PDCL2: variants seen among roughly 807,000 people sequenced by gnomAD.
PDCL2 encodes phosducin like 2.
In PDCL2, 23 loss-of-function variants were observed where a neutral mutation model predicts 30.3. The ratio of observed to expected loss-of-function variants is 0.76; its 90% confidence interval spans 0.55 to 1.08. PDCL2 has a LOEUF of 1.08. Ranked by LOEUF, PDCL2 falls within the 50% of genes least tolerant of loss-of-function variation. PDCL2 has a pLI of 0.00. For missense variants in PDCL2, 243 were observed against 282.3 expected (o/e 0.86, Z 1.00); for synonymous variants, 68 against 86.2 (o/e 0.79, Z 1.17).
rs528246170 is a variant in PDCL2, at chr4:55,579,951, G to A, written c.218+870C>T. Among the ~76,000 whole-genome samples the A allele has an allele frequency of 2.0e-5, 3 of 151,976 alleles. No individual in the cohort carries two copies. The East Asian group carries it at 5.8e-4, about 30-fold the overall frequency. ...AACCTCTGCCCCACCGGGTTCAAGCGATTCTCCTGCCTCAGCCTCCAGAGT... is the reference window on the plus strand; with the variant it reads ...AACCTCTGCCCCACCGGGTTCAAGCAATTCTCCTGCCTCAGCCTCCAGAGT... On this transcript the variant is annotated intron_variant, in intron 3 of 5. Transcript: ENST00000295645.
At chr4:55,570,228 T>A (rs1337145401) in intron 3 of PDCL2, among the ~76,000 whole-genome samples, 1 of 152,208 alleles carries the variant, frequency 6.6e-6, no homozygotes, top group African/African-American at 2.4e-5. Context: ...GTGCTTGCTA[T>A]GTTACCAGGC....
intron 4 of PDCL2, among the ~76,000 whole-genome samples, chr4:55,567,663 A>G (rs1732304394): frequency 6.6e-6 from 1 of 152,234 alleles, no homozygotes; most frequent in South Asian, 2.1e-4. Context: ...TGTAACTTTT[A>G]TAGCTTAACA....
chr4:55,571,221 C>T (rs1732415112), intron 3 of PDCL2, among the ~76,000 whole-genome samples: 1 of 152,082 alleles, frequency 6.6e-6, no homozygotes. Flanking sequence ...TATGCCCATG[C>T]TTTCCCCTTG....
chr4:55,592,017 G>A (rs1733015692), intron 1 of PDCL2, 87 bp downstream of exon 1: 4 of 1,536,926 alleles, frequency 2.6e-6, no homozygotes, highest in African/African-American at 1.4e-5. Flanking sequence ...TCCTGTGTCC[G>A]CCCTCCCCAT....
chr4:55,588,091 AAATAAATCTCAGG>A (rs1394214818), intron 1 of PDCL2, among the ~76,000 whole-genome samples: 1 of 152,188 alleles, frequency 6.6e-6, no homozygotes, highest in Non-Finnish European at 1.5e-5. Flanking sequence ...TGTGAAAGAA[AAATAAATCTCAGG>A]ACCCCCAAAT....
chr4:55,566,782 T>A (rs931012697), intron 4 of PDCL2, among the ~76,000 whole-genome samples: 1 of 130,052 alleles, frequency 7.7e-6, no homozygotes, highest in Non-Finnish European at 1.6e-5. Flanking sequence ...TACTTTAGAG[T>A]GGCCCAGAAA....
intron 3 of PDCL2, among the ~76,000 whole-genome samples, chr4:55,576,673 G>A (rs1250004771): frequency 3.3e-5 from 5 of 152,046 alleles, no homozygotes; most frequent in South Asian, 2.1e-4. Flanking sequence ...AAATAAAAAT[G>A]GTACACTAGA....
chr4:55,581,508 A>G (rs561148523), intron 2 of PDCL2, among the ~76,000 whole-genome samples: 5 of 152,322 alleles, frequency 3.3e-5, no homozygotes, highest in South Asian at 2.1e-4. Context: ...TAAATAATAC[A>G]TACTATAAAG....
At position 55,561,679 on chromosome 4, in the gene PDCL2, T is replaced by G. The variant is rs1490007822; in HGVS notation, c.571+725A>C. Among the ~76,000 whole-genome samples, 5 of 152,034 alleles carry G rather than the reference T, an allele frequency of 3.3e-5. No homozygotes were observed. The East Asian group carries it at 9.6e-4, about 29-fold the overall frequency. ...GTTTTGTAAAATCGAGTTAAAGCAG[T>G]GCCAAAAAATGAATATATCAAAGAG... On this transcript the variant is annotated intron_variant, in intron 5 of 5. Coordinates refer to ENST00000295645, the MANE Select transcript of PDCL2 (RefSeq NM_152401.3).
chr4:55,590,805 A>G (rs372665316), intron 1 of PDCL2, among the ~76,000 whole-genome samples: 37 of 152,246 alleles, frequency 2.4e-4, no homozygotes, highest in Admixed American at 5.9e-4. Context: ...ATGAAATTTT[A>G]TCTAACAGAA....
intron 4 of PDCL2, 33 bp from the exon 5 acceptor site, chr4:55,562,645 T>C (rs1209654723): frequency 1.4e-6 from 2 of 1,427,484 alleles, no homozygotes; most frequent in South Asian, 2.7e-5. Flanking sequence ...CAATCTTTAA[T>C]AAATGGGCTA....
At chr4:55,571,239 T>C (rs1273599873) in intron 3 of PDCL2, among the ~76,000 whole-genome samples, 1 of 152,108 alleles carries the variant, frequency 6.6e-6, no homozygotes, top group Admixed American at 6.6e-5. Context: ...TTGCTCCTTC[T>C]GACTTCTGAT....
Position 55,556,983 on chromosome 4 carries a change from G to T in PDCL2, c.572-272C>A, listed in dbSNP as rs888074234. ...TGAGTAGCTGCAATTACAGGTGCAC[G>T]CCACCACACCCAGCTAAGTTTTGTT... On this transcript the variant is annotated intron_variant, in intron 5 of 5. Coordinates refer to ENST00000295645, the MANE Select transcript of PDCL2 (RefSeq NM_152401.3). Among the ~76,000 whole-genome samples the T allele has an allele frequency of 5.9e-5, 9 of 151,992 alleles. No individual in the cohort carries two copies. The East Asian group carries it at 1.7e-3, about 29-fold the overall frequency.
intron 5 of PDCL2, 130 bp downstream of exon 5, chr4:55,562,274 C>G: frequency 2.1e-6 from 1 of 485,370 alleles, no homozygotes; most frequent in Non-Finnish European, 3.5e-6. Context: ...GAAAATTAAT[C>G]TGGAGGCATA....
At chr4:55,559,019 A>C (rs980955240) in intron 5 of PDCL2, among the ~76,000 whole-genome samples, 1 of 152,164 alleles carries the variant, frequency 6.6e-6, no homozygotes, top group African/African-American at 2.4e-5. Context: ...AATGCATATG[A>C]AAAAATCCAT....
intron 3 of PDCL2, among the ~76,000 whole-genome samples, chr4:55,575,766 A>AT (rs1423669809): frequency 6.6e-6 from 1 of 152,248 alleles, no homozygotes; most frequent in Non-Finnish European, 1.5e-5. Context: ...CAGTGAGTTG[A>AT]TATTTTTTAA....
At chr4:55,586,774 C>A (rs1213922599) in intron 1 of PDCL2, among the ~76,000 whole-genome samples, 5 of 152,176 alleles carry the variant, frequency 3.3e-5, no homozygotes, top group Non-Finnish European at 7.3e-5. Context: ...TGCAATTTTA[C>A]ATTCCCACCA....
In PDCL2 at chr4:55,582,841, G is replaced by A. The variant is rs188906437; in HGVS notation, c.7-604C>T. Among the ~76,000 whole-genome samples, 499 of 149,664 alleles carry A rather than the reference G, an allele frequency of 3.3e-3. 2 individuals carry two copies. Among genetic ancestry groups the A allele is most frequent in the African/African-American group, 0.011 (458 of 40,632 alleles). On this transcript the variant is annotated intron_variant, in intron 1 of 5. Transcript: ENST00000295645. ...CTCATTGTTCAATTCCCACCTATGA[G>A]TGAGAACATGTGGTGTTTGGTTTTT...
intron 3 of PDCL2, among the ~76,000 whole-genome samples, chr4:55,579,852 G>GT (rs964413211): frequency 3.4e-4 from 49 of 144,544 alleles, no homozygotes; most frequent in South Asian, 1.3e-3. Context: ...TTTTTTGTTT[G>GT]TTTTTTTTTT....
Sources: gnomAD v4.1 joint callset for allele counts (sites outside exome capture counted in the v4.1 genomes callset) on GRCh38, gnomAD v4.1.1 for gene constraint, MANE v1.5 for transcripts, NCBI Gene and HGNC (gene_info 2026-07-23, HGNC 2026-07-21) for gene names.